Variants in ZFAND3 observed in about 807,000 individuals in gnomAD.
ZFAND3 encodes zinc finger AN1-type containing 3, also known as AN1-type zinc finger protein 3.
In ZFAND3, 10 loss-of-function variants were observed where a neutral mutation model predicts 29.6. The ratio of observed to expected loss-of-function variants is 0.34; its 90% CI spans 0.21 to 0.57. The LOEUF (loss-of-function observed/expected upper bound fraction) is 0.57. Ranked by LOEUF, ZFAND3 falls within the 20% of genes least tolerant of loss-of-function variation. The pLI is 0.86. For synonymous variants in ZFAND3, 128 were observed against 112.6 expected (o/e 1.14, Z -0.87); for missense variants, 230 against 304.5 (o/e 0.76, Z 1.82).
At chr6:37,935,192 A>T (rs1237362702) in intron 2 of ZFAND3, among the ~76,000 whole-genome samples, 1 of 152,134 alleles carries the variant, frequency 6.6e-6, no homozygotes, top group Non-Finnish European at 1.5e-5. Flanking sequence ...AGTTGTGGAG[A>T]CTTTCTAAAC....
chr6:37,965,948 A>C (rs543860411), intron 2 of ZFAND3, among the ~76,000 whole-genome samples: 1 of 152,134 alleles, frequency 6.6e-6, no homozygotes, highest in East Asian at 1.9e-4. Context: ...TTTTTTGTAG[A>C]GATGGGGTTT....
At chr6:37,988,975 G>C (rs61277916) in intron 2 of ZFAND3, among the ~76,000 whole-genome samples, 107 of 152,040 alleles carry the variant, frequency 7.0e-4, no homozygotes, top group Non-Finnish European at 1.3e-3. Flanking sequence ...TGCGGTCTCA[G>C]CTCACTGCAA....
At chr6:38,131,085 T>C (rs1466888184) in intron 5 of ZFAND3, among the ~76,000 whole-genome samples, 1 of 152,224 alleles carries the variant, frequency 6.6e-6, no homozygotes, top group African/African-American at 2.4e-5. Context: ...GTTTTTCTAG[T>C]TTATGTGCAT....
At chr6:38,043,096 A>G (rs778428818) in intron 2 of ZFAND3, among the ~76,000 whole-genome samples, 6 of 152,154 alleles carry the variant, frequency 3.9e-5, no homozygotes, top group Non-Finnish European at 8.8e-5. Flanking sequence ...CATAATAAAT[A>G]TATATTACAA....
intron 1 of ZFAND3, among the ~76,000 whole-genome samples, chr6:37,885,873 G>T (rs1171824161): frequency 6.6e-6 from 1 of 151,926 alleles, no homozygotes; most frequent in African/African-American, 2.4e-5. Flanking sequence ...CTCCCAAAGT[G>T]CTGGGATTAC....
intron 1 of ZFAND3, among the ~76,000 whole-genome samples, chr6:37,911,150 T>A (rs1765513712): frequency 6.6e-6 from 1 of 152,190 alleles, no homozygotes; most frequent in Non-Finnish European, 1.5e-5. Flanking sequence ...TTCCAATGAG[T>A]AGTATACAAG....
At chr6:38,013,098 A>G (rs1429497047) in intron 2 of ZFAND3, among the ~76,000 whole-genome samples, 1 of 152,228 alleles carries the variant, frequency 6.6e-6, no homozygotes, top group Admixed American at 6.5e-5. Flanking sequence ...AGACTCACTG[A>G]TCACCTCTGT....
chr6:37,991,353 ATTTAC>A (rs1436531508), intron 2 of ZFAND3, among the ~76,000 whole-genome samples: 1 of 149,974 alleles, frequency 6.7e-6, no homozygotes, highest in African/African-American at 2.4e-5. Context: ...ATTATTTATT[ATTTAC>A]TTTATTTTCT....
intron 2 of ZFAND3, among the ~76,000 whole-genome samples, chr6:38,040,271 T>C (rs1217640757): frequency 1.3e-5 from 2 of 152,178 alleles, no homozygotes; most frequent in African/African-American, 4.8e-5. Flanking sequence ...TTTCAAACTT[T>C]CAAATTGTGG....
intron 2 of ZFAND3, among the ~76,000 whole-genome samples, chr6:38,021,319 T>C (rs1268191109): frequency 6.6e-6 from 1 of 152,238 alleles, no homozygotes; most frequent in Non-Finnish European, 1.5e-5. Flanking sequence ...TACTGTGCCC[T>C]TTTTAAAAGG....
At chr6:37,902,188 C>G (rs1044528582) in intron 1 of ZFAND3, among the ~76,000 whole-genome samples, 27 of 152,054 alleles carry the variant, frequency 1.8e-4, no homozygotes, top group African/African-American at 6.5e-4. Context: ...GTGGCTTACT[C>G]TTGTAATCCC....
intron 4 of ZFAND3, among the ~76,000 whole-genome samples, chr6:38,099,867 A>G (rs1240715486): frequency 6.6e-6 from 1 of 152,200 alleles, no homozygotes; most frequent in Non-Finnish European, 1.5e-5. Context: ...CTTGAATTAT[A>G]TGTCCAAATA....
chr6:38,009,745 A>G (rs1344075146), intron 2 of ZFAND3, among the ~76,000 whole-genome samples: 1 of 152,182 alleles, frequency 6.6e-6, no homozygotes, highest in African/African-American at 2.4e-5. Context: ...TTTGATCTGA[A>G]TATGTTTTAA....
At chr6:37,947,240 A>G (rs943814603) in intron 2 of ZFAND3, among the ~76,000 whole-genome samples, 1 of 152,210 alleles carries the variant, frequency 6.6e-6, no homozygotes, top group African/African-American at 2.4e-5. Context: ...CTAGTCATCT[A>G]TAGTAGAGAG....
chr6:38,062,561 A>T (rs1234291026), intron 3 of ZFAND3: 1 of 151,956 alleles, frequency 6.6e-6, no homozygotes, highest in East Asian at 1.9e-4. Flanking sequence ...TAGTAGAAAC[A>T]GGATCTCACC....
chr6:38,120,320 CTTTTTTTTTTTTTTTT>C (rs70981523), intron 5 of ZFAND3, among the ~76,000 whole-genome samples: 3,002 of 60,962 alleles, frequency 0.049, 138 homozygotes, highest in African/African-American at 0.13. Context: ...GCTTGGCTTC[CTTTTTTTTTTTTTTTT>C]TTTTTTTTTT....
intron 5 of ZFAND3, among the ~76,000 whole-genome samples, chr6:38,126,719 A>G (rs1765641345): frequency 6.6e-6 from 1 of 152,152 alleles, no homozygotes; most frequent in Non-Finnish European, 1.5e-5. Context: ...GTCTGTTCAC[A>G]CTTTAAAATT....
chr6:38,034,949 AG>A (rs1466363094), intron 2 of ZFAND3, among the ~76,000 whole-genome samples: 1 of 152,148 alleles, frequency 6.6e-6, no homozygotes, highest in Non-Finnish European at 1.5e-5. Flanking sequence ...TTACATGTAT[AG>A]GATTGTTGAT....
intron 2 of ZFAND3, among the ~76,000 whole-genome samples, chr6:38,044,229 C>G (rs933075134): frequency 6.6e-6 from 1 of 152,196 alleles, no homozygotes; most frequent in African/African-American, 2.4e-5. Context: ...CCTTTTCACA[C>G]TTTTCCTTAC....
Sources: gnomAD v4.1 joint callset for allele counts (sites outside exome capture counted in the v4.1 genomes callset) on GRCh38, gnomAD v4.1.1 for gene constraint, MANE v1.5 for transcripts, NCBI Gene and HGNC (gene_info 2026-07-23, HGNC 2026-07-21) for gene names.